Variants in MBTD1 observed in about 807,000 individuals in gnomAD.
MBTD1 encodes the protein MBT domain-containing protein 1.
In MBTD1, 24 loss-of-function variants were observed where a neutral mutation model predicts 87.8. The ratio of observed to expected loss-of-function variants is 0.27; its 90% CI spans 0.20 to 0.38. The LOEUF (loss-of-function observed/expected upper bound fraction) is 0.38, where lower values mean the gene tolerates loss of function less well. Among genes scored for constraint, MBTD1 ranks in the 10% least tolerant of loss-of-function variants. The pLI, the probability that MBTD1 is intolerant of heterozygous loss-of-function variation, is 1.00. For synonymous variants in MBTD1, 237 were observed against 248.6 expected (o/e 0.95, Z 0.44); for missense variants, 436 against 760.2 (o/e 0.57, Z 5.02).
chr17:51,190,693 G>A (rs1383478110), intron 16 of MBTD1, among the ~76,000 whole-genome samples: 3 of 116,514 alleles, frequency 2.6e-5, no homozygotes, highest in Admixed American at 2.4e-4. Context: ...CTGCATTCCA[G>A]TCTGGGCGAC....
upstream of MBTD1, chr17:51,260,589 C>A (rs530127984): frequency 6.2e-6 from 10 of 1,611,884 alleles, no homozygotes; most frequent in Non-Finnish European, 5.1e-6. Flanking sequence ...CTAACGATGC[C>A]GCCGGAGCGG....
intron 2 of MBTD1, among the ~76,000 whole-genome samples, chr17:51,257,523 G>A (rs965874382): frequency 5.9e-5 from 9 of 152,114 alleles, no homozygotes; most frequent in African/African-American, 1.9e-4. Flanking sequence ...CAACATTATT[G>A]AGGGACCAAA....
At position 51,228,344 on chromosome 17, in the gene MBTD1, C is replaced by G. The variant is rs147264161; in HGVS notation, c.-48-3135G>C. Among the ~76,000 whole-genome samples the G allele has an allele frequency of 2.0e-5, 3 of 151,912 alleles. No individual in the cohort carries two copies. The South Asian group carries it at 6.2e-4, about 32-fold the overall frequency. ...AACCCCCATGACACACATTTACCCACGTAGCAAACCTGCACAAGTACCCAT... is the reference window on the plus strand; with the variant it reads ...AACCCCCATGACACACATTTACCCAGGTAGCAAACCTGCACAAGTACCCAT... On this transcript the variant is annotated intron_variant, in intron 2 of 16. Coordinates refer to ENST00000586178, the MANE Select transcript of MBTD1 (RefSeq NM_017643.3).
intron 2 of MBTD1, among the ~76,000 whole-genome samples, chr17:51,230,660 G>A (rs1228823893): frequency 1.3e-5 from 2 of 152,192 alleles, no homozygotes; most frequent in Non-Finnish European, 2.9e-5. Flanking sequence ...AGTGCAAGAC[G>A]AGGGCTTTTG....
chr17:51,200,765 G>A (rs997305283), intron 12 of MBTD1, among the ~76,000 whole-genome samples: 5 of 144,626 alleles, frequency 3.5e-5, no homozygotes, highest in Non-Finnish European at 7.8e-5. Flanking sequence ...TCAGGGGGCC[G>A]AGGCAGGAGG....
At chr17:51,236,154 T>C (rs2053825059) in intron 2 of MBTD1, among the ~76,000 whole-genome samples, 1 of 152,226 alleles carries the variant, frequency 6.6e-6, no homozygotes, top group Non-Finnish European at 1.5e-5. Context: ...AGAATCTATA[T>C]ATATCTATAG....
chr17:51,187,774 G>T (rs1475594024), intron 16 of MBTD1, among the ~76,000 whole-genome samples: 2 of 151,534 alleles, frequency 1.3e-5, no homozygotes, highest in Non-Finnish European at 2.9e-5. Context: ...GCTTGAATCC[G>T]GGAGGCAGAG....
chr17:51,180,983 A>C (rs1318455138), intron 16 of MBTD1, among the ~76,000 whole-genome samples: 1 of 152,000 alleles, frequency 6.6e-6, no homozygotes, highest in East Asian at 1.9e-4. Flanking sequence ...TGTTTGTACA[A>C]ACAATGATGT....
chr17:51,195,136 G>T, intron 13 of MBTD1, 78 bp downstream of exon 13: 1 of 1,292,382 alleles, frequency 7.7e-7, no homozygotes, highest in Non-Finnish European at 1.1e-6. Flanking sequence ...ATCTAGGGCT[G>T]TGTTAAATGT....
At chr17:51,206,802 C>T (rs772351404) in intron 7 of MBTD1, 86 bp downstream of exon 7, 7 of 934,112 alleles carry the variant, frequency 7.5e-6, no homozygotes, top group Non-Finnish European at 1.0e-5. Context: ...TTTGGCAATA[C>T]TTGCAAAATT....
chr17:51,213,772 G>T (rs1022331759), intron 6 of MBTD1, among the ~76,000 whole-genome samples: 3 of 152,152 alleles, frequency 2.0e-5, no homozygotes, highest in South Asian at 2.1e-4. Context: ...CAACGATGGG[G>T]TGTTCAAATG....
At chr17:51,206,819 C>T in intron 7 of MBTD1, 69 bp downstream of exon 7, 1 of 1,098,764 alleles carries the variant, frequency 9.1e-7, no homozygotes, top group Non-Finnish European at 1.4e-6. Flanking sequence ...AATTTATAAA[C>T]ATGCTTTTTT....
intron 12 of MBTD1, among the ~76,000 whole-genome samples, chr17:51,199,439 T>G (rs2051331827): frequency 6.6e-6 from 1 of 151,814 alleles, no homozygotes; most frequent in South Asian, 2.1e-4. Context: ...CAGGAATCAC[T>G]GTTTTAAAAA....
intron 1 of MBTD1, 30 bp from the exon 2 acceptor site, chr17:51,259,236 G>C: frequency 8.1e-7 from 1 of 1,230,558 alleles, no homozygotes; most frequent in Non-Finnish European, 1.0e-6. Context: ...ATTTCACAAA[G>C]GAGAACGCAA....
intron 12 of MBTD1, among the ~76,000 whole-genome samples, chr17:51,201,252 G>C (rs1432233926): frequency 1.3e-5 from 2 of 152,150 alleles, no homozygotes; most frequent in Admixed American, 6.6e-5. Flanking sequence ...GAAGAAAAAG[G>C]CCTAAAGAGG....
chr17:51,250,968 A>T (rs1343167720), intron 2 of MBTD1: 2 of 152,172 alleles, frequency 1.3e-5, no homozygotes, highest in African/African-American at 4.8e-5. Flanking sequence ...TTATGATTTT[A>T]TCTTCTATTT....
At chr17:51,224,171 C>T (rs1204195664) in intron 3 of MBTD1, among the ~76,000 whole-genome samples, 1 of 152,180 alleles carries the variant, frequency 6.6e-6, no homozygotes. Context: ...CAGGACAGTT[C>T]CAGGCAAATC....
intron 2 of MBTD1, among the ~76,000 whole-genome samples, chr17:51,229,660 CTTT>C (rs36024708): frequency 7.6e-5 from 9 of 117,778 alleles, no homozygotes; most frequent in Non-Finnish European, 5.1e-5. Flanking sequence ...TTTTAGTATA[CTTT>C]TTTTTTTTTT....
chr17:51,188,701 C>G (rs1598284270), intron 16 of MBTD1, among the ~76,000 whole-genome samples: 1 of 150,764 alleles, frequency 6.6e-6, no homozygotes, highest in South Asian at 2.1e-4. Flanking sequence ...AAAACTGCTG[C>G]TTCTTAATAC....
Sources: allele counts gnomAD v4.1 joint callset (sites outside exome capture counted in the v4.1 genomes callset), GRCh38; gene constraint gnomAD v4.1.1; transcripts MANE v1.5; gene names NCBI Gene and HGNC (gene_info 2026-07-23, HGNC 2026-07-21).